Variants in SPECC1 observed in about 807,000 individuals in gnomAD.
The protein encoded by SPECC1 is sperm antigen with calponin homology and coiled-coil domains 1, also known as cytospin-B.
In SPECC1, 62 loss-of-function variants were observed where a neutral mutation model predicts 104.1. That is an observed-to-expected ratio of 0.60 (90% CI 0.49 to 0.74). SPECC1 has a LOEUF of 0.74. Ranked by LOEUF, SPECC1 falls within the 30% of genes least tolerant of loss-of-function variation. SPECC1 has a pLI of 0.00. For synonymous variants in SPECC1, 513 were observed against 501.6 expected (o/e 1.02, Z -0.30); for missense variants, 1,306 against 1,310.5 (o/e 1.00, Z 0.05).
At chr17:20,216,046 A>G (rs920185873) in intron 4 of SPECC1, among the ~76,000 whole-genome samples, 1 of 152,212 alleles carries the variant, frequency 6.6e-6, no homozygotes, top group African/African-American at 2.4e-5. Context: ...ACAGGCAGAT[A>G]TTTTTATATT....
At chr17:20,260,043 T>TAGTAATGTGACTA (rs2039970803) in intron 11 of SPECC1, 149 bp from the exon 12 acceptor site, 1 of 512,154 alleles carries the variant, frequency 2.0e-6, no homozygotes, top group Non-Finnish European at 3.4e-6. Context: ...TATCACAAAA[T>TAGTAATGTGACTA]AGTAATGTGA....
intron 3 of SPECC1, among the ~76,000 whole-genome samples, chr17:20,116,622 A>G (rs965689523): frequency 6.6e-6 from 1 of 152,118 alleles, no homozygotes; most frequent in African/African-American, 2.4e-5. Context: ...AGTACAAGAT[A>G]TAAAATGTAA....
chr17:20,123,840 T>C (rs796333931), intron 3 of SPECC1, among the ~76,000 whole-genome samples: 3 of 152,360 alleles, frequency 2.0e-5, no homozygotes, highest in African/African-American at 7.2e-5. Context: ...CCTTTAGTCT[T>C]TACTACAGCC....
intron 12 of SPECC1, among the ~76,000 whole-genome samples, chr17:20,279,321 TTC>T (rs2040681897): frequency 6.7e-6 from 1 of 149,752 alleles, no homozygotes; most frequent in Non-Finnish European, 1.5e-5. Flanking sequence ...TTTTTTTTTT[TTC>T]TTTTTTTTTT....
chr17:20,266,933 T>C (rs1238791119), intron 12 of SPECC1, among the ~76,000 whole-genome samples: 1 of 152,184 alleles, frequency 6.6e-6, no homozygotes, highest in Non-Finnish European at 1.5e-5. Flanking sequence ...CTGTCGTTAC[T>C]GTGCCAATAG....
chr17:20,229,015 C>T (rs984930711), intron 5 of SPECC1, among the ~76,000 whole-genome samples: 1 of 152,032 alleles, frequency 6.6e-6, no homozygotes, highest in African/African-American at 2.4e-5. Flanking sequence ...TATTTTAACC[C>T]CAAAACCAAT....
intron 1 of SPECC1, among the ~76,000 whole-genome samples, chr17:20,011,078 T>G (rs1474875796): frequency 6.6e-6 from 1 of 152,238 alleles, no homozygotes; most frequent in Non-Finnish European, 1.5e-5. Flanking sequence ...AGGGTTTTGG[T>G]ATCTGAGTTT....
intron 7 of SPECC1, among the ~76,000 whole-genome samples, chr17:20,232,649 A>G (rs1382478395): frequency 6.6e-6 from 1 of 152,252 alleles, no homozygotes; most frequent in Non-Finnish European, 1.5e-5. Context: ...CTAGCCAAGT[A>G]TCCTGCTAGG....
chr17:20,298,046 C>T (rs956370202), intron 13 of SPECC1, among the ~76,000 whole-genome samples: 4 of 152,088 alleles, frequency 2.6e-5, no homozygotes, highest in East Asian at 1.9e-4. Context: ...GAGACTGCAG[C>T]GGTGATGTCA....
rs11327439 is a variant in SPECC1, at chr17:20,046,012, TAA to T, written c.-22+36601_-22+36602del. Among the ~76,000 whole-genome samples the T allele has an allele frequency of 2.2e-3, 316 of 144,174 alleles. 1 individual carries two copies. Among genetic ancestry groups the T allele is most frequent in the African/African-American group, 5.4e-3 (215 of 39,478 alleles). The allele number at this position is 144,174 out of a possible 152,430, so 94.6% of individuals were successfully genotyped here. A position where few individuals can be genotyped will look rare whatever the true frequency, so the allele number is the denominator to read the frequency against. Reference sequence around the variant, plus strand: ...AAGAAATCTTTTGGTTATACCTTTCTAAAAAAAAAAAAAACCATTAGCATAGT... The same window carrying T: ...AAGAAATCTTTTGGTTATACCTTTCTAAAAAAAAAAAACCATTAGCATAGT... On this transcript the variant is annotated intron_variant, in intron 1 of 14. Transcript: ENST00000395527.
intron 3 of SPECC1, among the ~76,000 whole-genome samples, chr17:20,137,616 CT>C (rs920300584): frequency 6.6e-6 from 1 of 152,060 alleles, no homozygotes; most frequent in Non-Finnish European, 1.5e-5. Flanking sequence ...GTTTTGCTTT[CT>C]TTTTTTATTT....
At position 20,205,366 on chromosome 17, in the gene SPECC1, A is replaced by G; in HGVS notation, c.1317A>G (p.Glu439=). The G allele has an allele frequency of 6.2e-7, 1 of 1,613,776 alleles. No homozygotes were observed. Among genetic ancestry groups the G allele is most frequent in the East Asian group, 2.2e-5 (1 of 44,884 alleles). ...AGAGGGCAGAGCAGCTAAGTCAAGA[A>G]AATGAGAAGCTGATGAATCTTTTAC... is the stretch of plus-strand genomic sequence containing the variant. ...HRERAEQLSQ[E]NEKLMNLLQE... is the part of the protein sequence containing the mutation. Residue 439 remains glutamate (E), a synonymous_variant, in exon 4 of 15, where the codon GAA becomes GAG. Transcript: ENST00000395527.
At chr17:20,157,556 C>T (rs1414841701) in intron 3 of SPECC1, among the ~76,000 whole-genome samples, 2 of 152,146 alleles carry the variant, frequency 1.3e-5, no homozygotes, top group Non-Finnish European at 2.9e-5. Context: ...AAAAACACTT[C>T]TCATTAGTTA....
chr17:20,129,343 G>C (rs1452406094), intron 3 of SPECC1, among the ~76,000 whole-genome samples: 1 of 151,742 alleles, frequency 6.6e-6, no homozygotes, highest in African/African-American at 2.4e-5. Flanking sequence ...CTGCCACCAC[G>C]CCCAGCTAAT....
At chr17:20,067,115 A>G (rs1438554528) in intron 1 of SPECC1, 1 of 152,086 alleles carries the variant, frequency 6.6e-6, no homozygotes, top group Non-Finnish European at 1.5e-5. Flanking sequence ...AGAAAAATGT[A>G]AAAAGCATAA....
intron 4 of SPECC1, among the ~76,000 whole-genome samples, chr17:20,217,554 G>C (rs1481001588): frequency 6.6e-6 from 1 of 152,084 alleles, no homozygotes; most frequent in African/African-American, 2.4e-5. Context: ...AGTTGTCCCA[G>C]CCAAACCACA....
rs544161632 is a variant in SPECC1 at position 20,269,517 on chromosome 17, C to T, written c.2940+9223C>T. 2.6e-5 allele frequency among the ~76,000 whole-genome samples: 4 copies of T among 152,296 alleles called. No individual in the cohort carries two copies. In the East Asian group the frequency reaches 7.7e-4, roughly 29 times the overall value. ...CTCGGCTCACCACAACCTCCGCTCC[C>T]GGGTTCAAGATTCTCCTGCCTCAGT... is the stretch of plus-strand genomic sequence containing the variant. On this transcript the variant is annotated intron_variant, in intron 12 of 14. Coordinates refer to ENST00000395527, the MANE Select transcript of SPECC1 (RefSeq NM_001243439.2).
intron 1 of SPECC1, among the ~76,000 whole-genome samples, chr17:20,076,101 A>G (rs1388439265): frequency 6.6e-6 from 1 of 152,212 alleles, no homozygotes; most frequent in Admixed American, 6.5e-5. Context: ...TGAGTGACAG[A>G]GTATGACCCT....
chr17:20,093,375 G>A (rs368242562), intron 1 of SPECC1, among the ~76,000 whole-genome samples: 15 of 152,182 alleles, frequency 9.9e-5, no homozygotes, highest in African/African-American at 3.4e-4. Context: ...GTTCCAACAT[G>A]TACATTCTGG....
Sources: allele counts gnomAD v4.1 joint callset (sites outside exome capture counted in the v4.1 genomes callset), GRCh38; gene constraint gnomAD v4.1.1; transcripts MANE v1.5; gene names NCBI Gene and HGNC (gene_info 2026-07-23, HGNC 2026-07-21).